SMARCAL1: variants seen among roughly 807,000 people sequenced by gnomAD.
SMARCAL1 encodes the protein SNF2 related chromatin remodeling annealing helicase 1.
Under a neutral mutation model 94.5 loss-of-function variants are expected in SMARCAL1, and 58 were observed. The ratio of observed to expected loss-of-function variants is 0.61; its 90% confidence interval spans 0.50 to 0.76. The LOEUF (loss-of-function observed/expected upper bound fraction) is 0.76, where lower values mean the gene tolerates loss of function less well. Ranked by LOEUF, SMARCAL1 falls within the 30% of genes least tolerant of loss-of-function variation. The pLI is 0.00. For missense variants in SMARCAL1, 1,051 were observed against 1,177.9 expected, an observed-to-expected ratio of 0.89 and a Z score of 1.58; for synonymous variants, 422 against 455.1, an observed-to-expected ratio of 0.93 and a Z score of 0.93.
Position 216,438,457 on chromosome 2 carries a change from G to A in SMARCAL1, c.1682G>A (p.Arg561His), listed in dbSNP as rs760664233. ...TTCCTCAAAAACAGTAGGACTGCCC[G>A]CTGTCGAGCAGCTATGCCGGTCCTA... ...SHFLKNSRTA[R>H]CRAAMPVLKV... Residue 561 changes from arginine to histidine, a missense_variant, in exon 10 of 18, where the codon CGC becomes CAC. Physicochemically the swap from Arg to His is conservative, Grantham distance 29 (BLOSUM62 0). Around this residue, in one of 3 missense-constraint regions of SMARCAL1, gnomAD observed 642 missense variants for 754.7 expected, o/e 0.85. Transcript: ENST00000357276. The A allele has an allele frequency of 9.3e-6, 15 of 1,613,940 alleles. No homozygotes were observed. The highest frequency in any genetic ancestry group is 1.7e-5 in the Admixed American group (1 of 60,016).
intron 7 of SMARCAL1, among the ~76,000 whole-genome samples, chr2:216,432,001 TCTTCTTTC>T (rs1431443086): frequency 6.6e-6 from 1 of 152,042 alleles, no homozygotes; most frequent in Non-Finnish European, 1.5e-5. Context: ...CCCTACCAGC[TCTTCTTTC>T]CTTCCTTCCT....
intron 8 of SMARCAL1, 98 bp downstream of exon 8, chr2:216,432,966 G>A: frequency 6.8e-7 from 1 of 1,476,164 alleles, no homozygotes; most frequent in Non-Finnish European, 9.5e-7. Context: ...GGATCTTTAA[G>A]GATCCTGTCT....
chr2:216,461,092 ATGTG>A (rs962222971), intron 12 of SMARCAL1, among the ~76,000 whole-genome samples: 1 of 117,034 alleles, frequency 8.5e-6, no homozygotes. Context: ...GTGTGTGTGT[ATGTG>A]TGTGTGTATG....
chr2:216,430,004 G>C (rs888317075), intron 7 of SMARCAL1, among the ~76,000 whole-genome samples: 6 of 152,070 alleles, frequency 3.9e-5, no homozygotes, highest in African/African-American at 1.4e-4. Flanking sequence ...AGGTTGCCCA[G>C]CCCCACCCCC....
chr2:216,450,941 C>A lies in SMARCAL1; in HGVS notation c.1947C>A (p.Asp649Glu), dbSNP rs2066526. ...EAVMLRRLKSDVLSQLPAKQR... is the reference protein window; with the variant it reads ...EAVMLRRLKSEVLSQLPAKQR... The stretch of plus-strand genomic sequence containing the variant: ...TCATGCTGCGGCGCCTCAAGTCCGA[C>A]GTCCTTTCCCAGCTGCCTGCCAAGC... The change falls in exon 12 of 18, where the codon GAC (aspartate) becomes GAA (glutamate). Residue 649 changes from aspartate (D) to glutamate (E), a missense_variant. Around this residue, in one of 3 missense-constraint regions of SMARCAL1, gnomAD observed 642 missense variants for 754.7 expected, o/e 0.85. Coordinates refer to ENST00000357276, the MANE Select transcript of SMARCAL1 (RefSeq NM_014140.4). The A allele has an allele frequency of 3.7e-6, 6 of 1,614,084 alleles. No homozygotes were observed. In the African/African-American group the frequency reaches 6.7e-5, roughly 18 times the overall value.
intron 10 of SMARCAL1, among the ~76,000 whole-genome samples, chr2:216,443,931 TC>T (rs1694252521): frequency 6.6e-6 from 1 of 152,262 alleles, no homozygotes; most frequent in Non-Finnish European, 1.5e-5. Flanking sequence ...GTCAAGCTTT[TC>T]TTTTTGCCCT....
intron 4 of SMARCAL1, among the ~76,000 whole-genome samples, chr2:216,417,075 C>T (rs1189427987): frequency 6.6e-6 from 1 of 152,186 alleles, no homozygotes; most frequent in African/African-American, 2.4e-5. Context: ...TCTCTTCCTC[C>T]CCCTAGCTTA....
chr2:216,430,767 G>A (rs1269117908), intron 7 of SMARCAL1, among the ~76,000 whole-genome samples: 1 of 152,202 alleles, frequency 6.6e-6, no homozygotes, highest in African/African-American at 2.4e-5. Context: ...AACAAAAGAC[G>A]CTCAAAGGGC....
chr2:216,449,038 G>A (rs1694383333), intron 11 of SMARCAL1, among the ~76,000 whole-genome samples: 1 of 152,214 alleles, frequency 6.6e-6, no homozygotes, highest in South Asian at 2.1e-4. Context: ...AGACTGGGAA[G>A]TTCAAGAGCA....
At chr2:216,419,990 C>T (rs1208493242) in intron 4 of SMARCAL1, among the ~76,000 whole-genome samples, 1 of 130,990 alleles carries the variant, frequency 7.6e-6, no homozygotes, top group African/African-American at 3.0e-5. Flanking sequence ...GATCACGGCA[C>T]TGCACTCCAG....
At chr2:216,438,289 C>A in intron 9 of SMARCAL1, 131 bp from the exon 10 acceptor site, 1 of 776,306 alleles carries the variant, frequency 1.3e-6, no homozygotes, top group Non-Finnish European at 2.2e-6. Flanking sequence ...AGTGAGCCAT[C>A]TCCTTGAATG....
chr2:216,443,888 TC>T (rs925153864), intron 10 of SMARCAL1, among the ~76,000 whole-genome samples: 6 of 152,212 alleles, frequency 3.9e-5, no homozygotes, highest in Admixed American at 2.0e-4. Context: ...GTGGTCTCCC[TC>T]CCCGACTCCA....
chr2:216,442,180 C>T (rs1694210438), intron 10 of SMARCAL1, among the ~76,000 whole-genome samples: 1 of 151,924 alleles, frequency 6.6e-6, no homozygotes, highest in Non-Finnish European at 1.5e-5. Context: ...CTTTGGGAGG[C>T]CTGAAGCAGG....
chr2:216,417,255 T>C (rs534979368), intron 4 of SMARCAL1, among the ~76,000 whole-genome samples: 2 of 152,368 alleles, frequency 1.3e-5, no homozygotes, highest in Non-Finnish European at 2.9e-5. Context: ...ATTCTTGAAA[T>C]GTGTACATTA....
In SMARCAL1 at chr2:216,449,367, G is replaced by C. The variant is rs1031464086; in HGVS notation, c.1852-1479G>C. Among the ~76,000 whole-genome samples, 4 of 151,202 alleles carry C rather than the reference G, an allele frequency of 2.6e-5. No homozygotes were observed. In the Admixed American group the frequency reaches 2.7e-4, roughly 10 times the overall value. ...GGTTTTTATTTAATACAATCCATAA[G>C]CCAGGGCTGCCTTTTTTTTTTCTTT... is the stretch of plus-strand genomic sequence containing the variant. On this transcript the variant is annotated intron_variant, in intron 11 of 17. Coordinates refer to ENST00000357276, the MANE Select transcript of SMARCAL1 (RefSeq NM_014140.4).
At chr2:216,465,776 G>A (rs964885591) in intron 13 of SMARCAL1, among the ~76,000 whole-genome samples, 6 of 152,066 alleles carry the variant, frequency 3.9e-5, no homozygotes, top group Non-Finnish European at 8.8e-5. Context: ...ATTCCGTAGG[G>A]CTGAGTGGTG....
chr2:216,452,708 T>C, intron 12 of SMARCAL1, among the ~76,000 whole-genome samples: 1 of 152,036 alleles, frequency 6.6e-6, no homozygotes, highest in Non-Finnish European at 1.5e-5. Context: ...GTGAATTGTG[T>C]AGTATGGCCA....
chr2:216,433,568 A>C (rs1437443922), intron 8 of SMARCAL1, among the ~76,000 whole-genome samples: 1 of 152,012 alleles, frequency 6.6e-6, no homozygotes, highest in Non-Finnish European at 1.5e-5. Context: ...TGACTTCCCA[A>C]CTCAGGGGTT....
At chr2:216,481,354 C>T (rs1695193739) in intron 17 of SMARCAL1, among the ~76,000 whole-genome samples, 1 of 151,776 alleles carries the variant, frequency 6.6e-6, no homozygotes, top group African/African-American at 2.4e-5. Context: ...CTGCCAACAC[C>T]CGGCCAATTT....
Sources: gnomAD v4.1 joint callset for allele counts (sites outside exome capture counted in the v4.1 genomes callset) on GRCh38, gnomAD v4.1.1 for gene constraint, gnomAD v4.1.1 regional missense constraint, MANE v1.5 for transcripts, NCBI Gene and HGNC (gene_info 2026-07-23, HGNC 2026-07-21) for gene names.